EPHA3: variants seen among roughly 807,000 people sequenced by gnomAD.
EPHA3 encodes EPH receptor A3.
In EPHA3, 42 loss-of-function variants were observed where a neutral mutation model predicts 107.1. The observed-to-expected ratio is 0.39, with a 90% CI of 0.31 to 0.51. The LOEUF is 0.51. Among genes scored for constraint, EPHA3 ranks in the 20% least tolerant of loss-of-function variants. EPHA3 has a pLI of 0.78. For synonymous variants in EPHA3, 461 were observed against 424.8 expected, an observed-to-expected ratio of 1.09 and a Z score of -1.05; for missense variants, 1,183 against 1,211.2, an observed-to-expected ratio of 0.98 and a Z score of 0.35.
intron 2 of EPHA3, among the ~76,000 whole-genome samples, chr3:89,153,580 G>A (rs1704733630): frequency 6.6e-6 from 1 of 151,892 alleles, no homozygotes; most frequent in South Asian, 2.1e-4. Context: ...TGCAGTGGTG[G>A]CAATTCTTGT....
At chr3:89,261,513 T>A (rs777569572) in intron 3 of EPHA3, among the ~76,000 whole-genome samples, 18 of 152,152 alleles carry the variant, frequency 1.2e-4, no homozygotes, top group Non-Finnish European at 2.2e-4. Flanking sequence ...TCTTTTCCAA[T>A]GGCATGCATG....
intron 2 of EPHA3, among the ~76,000 whole-genome samples, chr3:89,131,703 G>C (rs536344455): frequency 6.8e-4 from 103 of 152,266 alleles, no homozygotes; most frequent in Non-Finnish European, 1.1e-3. Context: ...AGCACTGTCT[G>C]AAATGAGTAA....
chr3:89,139,928 A>G (rs766793286), intron 2 of EPHA3, among the ~76,000 whole-genome samples: 1 of 151,820 alleles, frequency 6.6e-6, no homozygotes, highest in African/African-American at 2.4e-5. Flanking sequence ...TTGCAGCAGC[A>G]CCCAAGATAA....
chr3:89,185,733 A>G lies in EPHA3; in HGVS notation c.154-24127A>G, dbSNP rs542648371. On this transcript the variant is annotated intron_variant, in intron 2 of 16. Coordinates refer to ENST00000336596, the MANE Select transcript of EPHA3 (RefSeq NM_005233.6). Reference sequence around the variant, plus strand: ...CTCCCTTTCTACTTTGTCTACTCTCAGAGCCTTCTTGGTTCACATATTCGC... The same window carrying G: ...CTCCCTTTCTACTTTGTCTACTCTCGGAGCCTTCTTGGTTCACATATTCGC... Among the ~76,000 whole-genome samples the G allele has an allele frequency of 2.0e-5, 3 of 152,142 alleles. 1 individual carries two copies. The highest frequency in any genetic ancestry group is 7.2e-5 in the African/African-American group (3 of 41,532).
chr3:89,236,726 T>C (rs771251765), intron 3 of EPHA3, among the ~76,000 whole-genome samples: 5 of 151,966 alleles, frequency 3.3e-5, no homozygotes, highest in East Asian at 1.9e-4. Flanking sequence ...AAACTTAAAG[T>C]ATAATTGAAA....
intron 3 of EPHA3, among the ~76,000 whole-genome samples, chr3:89,232,242 A>G (rs1275740469): frequency 6.6e-6 from 1 of 152,164 alleles, no homozygotes; most frequent in Non-Finnish European, 1.5e-5. Flanking sequence ...ACATGTATAT[A>G]TTTAAAGAAT....
intron 5 of EPHA3, among the ~76,000 whole-genome samples, chr3:89,345,439 G>A (rs1707622170): frequency 6.6e-6 from 1 of 150,928 alleles, no homozygotes; most frequent in African/African-American, 2.4e-5. Flanking sequence ...TTGCAATAGT[G>A]TGCATTATGC....
intron 3 of EPHA3, among the ~76,000 whole-genome samples, chr3:89,338,154 G>A (rs991432965): frequency 4.6e-5 from 7 of 152,192 alleles, no homozygotes; most frequent in Non-Finnish European, 8.8e-5. Flanking sequence ...ACTGGTCTAA[G>A]GAAGGAAGGA....
intron 3 of EPHA3, among the ~76,000 whole-genome samples, chr3:89,263,056 G>T (rs143309228): frequency 5.5e-5 from 8 of 146,372 alleles, no homozygotes; most frequent in African/African-American, 2.0e-4. Context: ...GTATACACGT[G>T]CCATGGTGGT....
intron 3 of EPHA3, among the ~76,000 whole-genome samples, chr3:89,304,664 A>G (rs1314575372): frequency 6.6e-6 from 1 of 152,052 alleles, no homozygotes; most frequent in Non-Finnish European, 1.5e-5. Context: ...TCCCTTCTTT[A>G]TCTTCCCAGT....
chr3:89,225,849 A>G (rs1471145602), intron 3 of EPHA3, among the ~76,000 whole-genome samples: 2 of 152,182 alleles, frequency 1.3e-5, no homozygotes, highest in Non-Finnish European at 2.9e-5. Context: ...GAATAGGAAA[A>G]GAACCCAAGG....
At chr3:89,269,719 G>C (rs1249470754) in intron 3 of EPHA3, among the ~76,000 whole-genome samples, 2 of 149,258 alleles carry the variant, frequency 1.3e-5, no homozygotes, top group Non-Finnish European at 3.0e-5. Flanking sequence ...TTGTCATCTA[G>C]CATTAGGTAT....
chr3:89,336,423 G>A (rs189977063), intron 3 of EPHA3, among the ~76,000 whole-genome samples: 16 of 152,142 alleles, frequency 1.1e-4, no homozygotes, highest in Non-Finnish European at 1.8e-4. Flanking sequence ...AGACAGACAG[G>A]TAATTGAGCA....
At chr3:89,123,766 A>G (rs1704023903) in intron 1 of EPHA3, among the ~76,000 whole-genome samples, 1 of 152,238 alleles carries the variant, frequency 6.6e-6, no homozygotes, top group Non-Finnish European at 1.5e-5. Context: ...GAATCATGAC[A>G]TTTAAAAACA....
rs1019195876 is a variant in EPHA3 at position 89,370,687 on chromosome 3, G to T, written c.1307-25150G>T. On this transcript the variant is annotated intron_variant, in intron 5 of 16. Transcript: ENST00000336596. Reference sequence around the variant, plus strand: ...ATTAAAAAAATAACAAAATACATTAGTTGTATATAGACAAAAAAATAAAAT... The same window carrying T: ...ATTAAAAAAATAACAAAATACATTATTTGTATATAGACAAAAAAATAAAAT... Among the ~76,000 whole-genome samples, 101 of 151,034 alleles carry T rather than the reference G, an allele frequency of 6.7e-4. 1 individual carries two copies. Among genetic ancestry groups the T allele is most frequent in the African/African-American group, 2.3e-3 (94 of 41,160 alleles).
intron 13 of EPHA3, among the ~76,000 whole-genome samples, chr3:89,440,528 C>G (rs1392158577): frequency 6.6e-6 from 1 of 152,146 alleles, no homozygotes; most frequent in African/African-American, 2.4e-5. Context: ...CTTGAAGCCC[C>G]GTAACCCATA....
intron 2 of EPHA3, among the ~76,000 whole-genome samples, chr3:89,145,708 T>G (rs1704541239): frequency 6.6e-6 from 1 of 151,842 alleles, no homozygotes; most frequent in Non-Finnish European, 1.5e-5. Flanking sequence ...TTGAGTCAAT[T>G]CTTATTTGTT....
At chr3:89,358,608 G>A (rs1708018514) in intron 5 of EPHA3, among the ~76,000 whole-genome samples, 1 of 151,172 alleles carries the variant, frequency 6.6e-6, no homozygotes, top group South Asian at 2.1e-4. Context: ...GGCAAAGCCA[G>A]CTGCCAAGAG....
intron 3 of EPHA3, among the ~76,000 whole-genome samples, chr3:89,281,231 C>T (rs1705941291): frequency 6.6e-6 from 1 of 152,040 alleles, no homozygotes; most frequent in Admixed American, 6.6e-5. Flanking sequence ...CACTGTGTTG[C>T]CCAGGCTGGT....
Sources: gnomAD v4.1 joint callset for allele counts (sites outside exome capture counted in the v4.1 genomes callset) on GRCh38, gnomAD v4.1.1 for gene constraint, MANE v1.5 for transcripts, NCBI Gene and HGNC (gene_info 2026-07-23, HGNC 2026-07-21) for gene names.